Variants in NLRP7 observed in about 807,000 individuals in gnomAD.
The protein encoded by NLRP7 is NACHT, LRR and PYD domains-containing protein 7.
A neutral mutation model predicts 85.5 loss-of-function variants in NLRP7; 72 were observed. That is an observed-to-expected ratio of 0.84 (90% CI 0.70 to 1.02). The LOEUF is 1.02. Among genes scored for constraint, NLRP7 ranks in the 50% least tolerant of loss-of-function variants. NLRP7 has a pLI of 0.00. For synonymous variants in NLRP7, 550 were observed against 505.2 expected (o/e 1.09, Z -1.19); for missense variants, 1,243 against 1,219.5 (o/e 1.02, Z -0.29).
At chr19:54,937,615 G>T (rs932241504) in intron 5 of NLRP7, among the ~76,000 whole-genome samples, 15 of 151,802 alleles carry the variant, frequency 9.9e-5, no homozygotes, top group African/African-American at 3.6e-4. Flanking sequence ...AATAAAAAAG[G>T]GGCCAGGTGC....
exon 10 of NLRP7, chr19:54,923,707 T>C (rs2068313447): frequency 6.2e-7 from 1 of 1,611,658 alleles, no homozygotes; most frequent in Non-Finnish European, 8.5e-7. Flanking sequence ...GAATCCCGCT[T>C]CCTGTGTAAT....
Position 54,945,638 on chromosome 19 carries a change from G to C in NLRP7, c.-40+1831C>G, listed in dbSNP as rs565216026. ...TTTTGAGATGGAGTCTCCCTCTGTT[G>C]CCCAGGCTGGAGTGCAGTGGCACAA... is the stretch of plus-strand genomic sequence containing the variant. On this transcript the variant is annotated intron_variant, in intron 1 of 9. Transcript: ENST00000340844. Among the ~76,000 whole-genome samples, 6 of 151,432 alleles carry C rather than the reference G, an allele frequency of 4.0e-5. No homozygotes were observed. In the East Asian group the frequency reaches 1.2e-3, roughly 29 times the overall value.
chr19:54,955,258 G>A (rs890635870), intron 1 of NLRP7, among the ~76,000 whole-genome samples: 10 of 151,960 alleles, frequency 6.6e-5, no homozygotes, highest in Non-Finnish European at 1.5e-4. Context: ...GAACCCGGGT[G>A]GCAGAGGTTG....
At chr19:54,931,715 C>G (rs1457579515) in intron 8 of NLRP7, among the ~76,000 whole-genome samples, 1 of 150,098 alleles carries the variant, frequency 6.7e-6, no homozygotes, top group Admixed American at 6.7e-5. Flanking sequence ...CCAGGTGTGG[C>G]GGCCCATGCC....
intron 9 of NLRP7, among the ~76,000 whole-genome samples, 192 bp from the exon 10 acceptor site, chr19:54,927,967 C>T (rs1463952520): frequency 6.6e-6 from 1 of 152,130 alleles, no homozygotes; most frequent in African/African-American, 2.4e-5. Flanking sequence ...GGGACAGACA[C>T]CTGTAGCCCC....
rs560669914 is a variant in NLRP7, at chr19:54,923,905, A to T, written c.2811-33T>A. The T allele has an allele frequency of 6.8e-5, 109 of 1,611,252 alleles. No homozygotes were observed. In the East Asian group the frequency reaches 2.1e-3, roughly 31 times the overall value. ...GATCAGAGAACACAAATGTTCCCAG[A>T]AATTCATTCTCAACTACCCAGGATG... On this transcript the variant is annotated intron_variant, in intron 9 of 9. Transcript: ENST00000340844.
intron 5 of NLRP7, among the ~76,000 whole-genome samples, chr19:54,937,090 C>A (rs145899959): frequency 0.026 from 3,741 of 144,094 alleles, 149 homozygotes; most frequent in African/African-American, 0.087. Flanking sequence ...TGGTGGCGGG[C>A]GCCTGTAGTC....
chr19:54,965,571 T>C (rs2070337428), intron 1 of NLRP7, among the ~76,000 whole-genome samples: 1 of 73,510 alleles, frequency 1.4e-5, no homozygotes, highest in Non-Finnish European at 2.8e-5. Flanking sequence ...TTCTCCTGCC[T>C]CAGCCTCCCG....
intron 9 of NLRP7, among the ~76,000 whole-genome samples, chr19:54,925,609 C>T (rs4806625): frequency 6.6e-6 from 1 of 152,044 alleles, no homozygotes; most frequent in African/African-American, 2.4e-5. Flanking sequence ...AGTTTGAGAA[C>T]CTCGGCAACA....
At chr19:54,939,404 T>C (rs762976573) in exon 4 of NLRP7, 1 of 1,614,070 alleles carries the variant, frequency 6.2e-7, no homozygotes, top group South Asian at 1.1e-5. Flanking sequence ...GAGAAACTGC[T>C]GGAAGCTGAG....
intron 1 of NLRP7, among the ~76,000 whole-genome samples, chr19:54,946,126 C>G (rs919598255): frequency 4.0e-5 from 6 of 151,372 alleles, no homozygotes; most frequent in Non-Finnish European, 7.4e-5. Context: ...AGGCTGGCCT[C>G]GAACTCCTGA....
chr19:54,943,549 G>T (rs186527623), intron 1 of NLRP7, among the ~76,000 whole-genome samples: 2 of 149,706 alleles, frequency 1.3e-5, no homozygotes, highest in African/African-American at 2.5e-5. Context: ...TGCAGTGAGC[G>T]GAGATCGCGC....
chr19:54,926,718 C>T (rs1181689167), intron 9 of NLRP7, among the ~76,000 whole-genome samples: 1 of 151,978 alleles, frequency 6.6e-6, no homozygotes, highest in Non-Finnish European at 1.5e-5. Context: ...GAGCTCGAGA[C>T]CAGCCTGGCC....
chr19:54,959,432 C>T (rs1383117281), intron 1 of NLRP7, among the ~76,000 whole-genome samples: 1 of 150,046 alleles, frequency 6.7e-6, no homozygotes, highest in African/African-American at 2.5e-5. Context: ...CCACCGTGCC[C>T]GGCCTCCTTG....
intron 6 of NLRP7, among the ~76,000 whole-genome samples, chr19:54,935,656 C>T (rs1297066473): frequency 2.0e-5 from 3 of 149,896 alleles, no homozygotes; most frequent in Middle Eastern, 3.5e-3. Context: ...CGCGCCACTG[C>T]GCTCCAGCCT....
chr19:54,959,141 C>CTTTTTTTTTT (rs74177888), intron 1 of NLRP7, among the ~76,000 whole-genome samples: 3,870 of 134,238 alleles, frequency 0.029, 93 homozygotes, highest in African/African-American at 0.037. Flanking sequence ...TTTTCTTTTT[C>CTTTTTTTTTT]TTTTTTTTTT....
At chr19:54,944,938 A>C (rs1156619400) in intron 1 of NLRP7, among the ~76,000 whole-genome samples, 1 of 152,068 alleles carries the variant, frequency 6.6e-6, no homozygotes, top group Non-Finnish European at 1.5e-5. Flanking sequence ...TGATGTACTT[A>C]GAAAAATTCA....
At chr19:54,936,724 G>A (rs2068944857) in intron 5 of NLRP7, among the ~76,000 whole-genome samples, 1 of 152,124 alleles carries the variant, frequency 6.6e-6, no homozygotes, top group South Asian at 2.1e-4. Context: ...AGACCAGCCT[G>A]GCCAACATGG....
chr19:54,933,483 T>C, intron 8 of NLRP7, 86 bp downstream of exon 8: 1 of 1,533,538 alleles, frequency 6.5e-7, no homozygotes, highest in East Asian at 2.3e-5. Flanking sequence ...TTTTAAAAGT[T>C]ACATTTGAAA....
Sources: allele counts gnomAD v4.1 joint callset (sites outside exome capture counted in the v4.1 genomes callset), GRCh38; gene constraint gnomAD v4.1.1; transcripts MANE v1.5; gene names NCBI Gene and HGNC (gene_info 2026-07-23, HGNC 2026-07-21).